Variants in STAB2 observed in about 807,000 individuals in gnomAD.
STAB2 encodes stabilin 2.
STAB2 carries 288 observed loss-of-function variants against 338.1 expected under a neutral mutation model. The ratio of observed to expected loss-of-function variants is 0.85; its 90% CI spans 0.77 to 0.94. The LOEUF (loss-of-function observed/expected upper bound fraction) is 0.94, where lower values mean the gene tolerates loss of function less well. Ranked by LOEUF, STAB2 falls within the 40% of genes least tolerant of loss-of-function variation. The probability of loss-of-function intolerance (pLI) is 0.00; values close to 1 mark genes in which losing one functional copy is unlikely to be tolerated. For synonymous variants in STAB2, 1,202 were observed against 1,193.3 expected, an observed-to-expected ratio of 1.01 and a Z score of -0.15; for missense variants, 3,141 against 3,210.1, an observed-to-expected ratio of 0.98 and a Z score of 0.52.
intron 39 of STAB2, among the ~76,000 whole-genome samples, chr12:103,710,775 G>A (rs1397980566): frequency 6.6e-6 from 1 of 152,174 alleles, no homozygotes. Flanking sequence ...AGGACCTCCT[G>A]TATGACTCAG....
At chr12:103,705,496 G>A in intron 36 of STAB2, 136 bp from the exon 37 acceptor site, 3 of 672,008 alleles carry the variant, frequency 4.5e-6, no homozygotes, top group South Asian at 4.1e-5. Flanking sequence ...AAGAAGCAGT[G>A]CCAACAAGCC....
chr12:103,718,107 C>A (rs1880472945), intron 44 of STAB2, among the ~76,000 whole-genome samples: 1 of 152,160 alleles, frequency 6.6e-6, no homozygotes, highest in Non-Finnish European at 1.5e-5. Context: ...ATCCATATTG[C>A]CAACTCTTAT....
At chr12:103,624,216 T>C (rs1957346554) in intron 5 of STAB2, among the ~76,000 whole-genome samples, 1 of 152,240 alleles carries the variant, frequency 6.6e-6, no homozygotes, top group African/African-American at 2.4e-5. Context: ...AGGCAGGTGC[T>C]GTGGTATCTT....
chr12:103,669,532 GT>G lies in STAB2; in HGVS notation c.2173-4del. On this transcript the variant is annotated splice_polypyrimidine_tract_variant and splice_region_variant and intron_variant, in intron 20 of 68. Transcript: ENST00000388887. ...GGGTTCAAAGGGGAACACGCATTTTGTTTTTCAGATTCCAAAGTGCTGCAAA... is the reference window on the plus strand; with the variant it reads ...GGGTTCAAAGGGGAACACGCATTTTGTTTTCAGATTCCAAAGTGCTGCAAA... The G allele has an allele frequency of 6.2e-7, 1 of 1,613,864 alleles. No individual in the cohort carries two copies. The highest frequency in any genetic ancestry group is 1.1e-5 in the South Asian group (1 of 91,056).
At chr12:103,699,036 G>A in intron 33 of STAB2, 60 bp from the exon 34 acceptor site, 4 of 1,553,824 alleles carry the variant, frequency 2.6e-6, no homozygotes, top group Non-Finnish European at 3.5e-6. Context: ...GCACATGGGA[G>A]AAGCTGGGTA....
chr12:103,689,312 G>A (rs1169902302), intron 28 of STAB2, among the ~76,000 whole-genome samples: 2 of 151,956 alleles, frequency 1.3e-5, no homozygotes, highest in African/African-American at 4.8e-5. Context: ...GTGAAACCCC[G>A]TCTCTGCTAC....
At chr12:103,749,582 T>C (rs59413167) in intron 59 of STAB2, among the ~76,000 whole-genome samples, 42,577 of 150,806 alleles carry the variant, frequency 0.28, 6,149 homozygotes, top group South Asian at 0.37. Context: ...GTAATCCCAG[T>C]ACTTTGGGAG....
At chr12:103,641,788 G>T (rs975144965) in intron 9 of STAB2, among the ~76,000 whole-genome samples, 1 of 152,142 alleles carries the variant, frequency 6.6e-6, no homozygotes, top group South Asian at 2.1e-4. Context: ...TGTGATGTTA[G>T]GGGTACATGT....
chr12:103,705,827 C>A, intron 37 of STAB2, 100 bp downstream of exon 37: 1 of 1,091,820 alleles, frequency 9.2e-7, no homozygotes, highest in Non-Finnish European at 1.4e-6. Context: ...ATGCTTTCTG[C>A]CATCTCCTCT....
At chr12:103,588,297 C>T (rs936033451) in intron 1 of STAB2, among the ~76,000 whole-genome samples, 5 of 152,224 alleles carry the variant, frequency 3.3e-5, no homozygotes, top group African/African-American at 1.2e-4. Context: ...GGCCTAATGG[C>T]TAAGTGCTCC....
At chr12:103,762,437 C>T in intron 67 of STAB2, 35 bp downstream of exon 67, 3 of 1,613,900 alleles carry the variant, frequency 1.9e-6, no homozygotes, top group Non-Finnish European at 2.5e-6. Context: ...ATGATGGGGT[C>T]CTCTCCAAAA....
At chr12:103,688,006 C>T (rs775104172) in intron 27 of STAB2, among the ~76,000 whole-genome samples, 162 bp from the exon 28 acceptor site, 2 of 152,218 alleles carry the variant, frequency 1.3e-5, no homozygotes, top group African/African-American at 2.4e-5. Context: ...AGCTGGAGCA[C>T]GCATTCACAT....
chr12:103,653,539 G>A (rs546816781), intron 12 of STAB2, among the ~76,000 whole-genome samples: 67 of 151,714 alleles, frequency 4.4e-4, no homozygotes, highest in African/African-American at 1.5e-3. Context: ...TGCATGGATG[G>A]ATGGATGGAT....
At position 103,755,735 on chromosome 12, in the gene STAB2, C is replaced by T. The variant is rs1884054885; in HGVS notation, c.6987+17C>T. Reference sequence around the variant, plus strand: ...TTCCTGACGGTATGTACCATGTCTGCTTGGTTTGCCTCAGGCAGGGAGGGG... The same window carrying T: ...TTCCTGACGGTATGTACCATGTCTGTTTGGTTTGCCTCAGGCAGGGAGGGG... On this transcript the variant is annotated intron_variant, in intron 63 of 68. Transcript: ENST00000388887. 6.2e-7 allele frequency: 1 copy of T among 1,613,544 alleles called. No homozygotes were observed. The highest frequency in any genetic ancestry group is 8.5e-7 in the Non-Finnish European group (1 of 1,179,600).
At chr12:103,611,736 T>C (rs1047470141) in intron 3 of STAB2, among the ~76,000 whole-genome samples, 2 of 152,220 alleles carry the variant, frequency 1.3e-5, no homozygotes, top group African/African-American at 4.8e-5. Flanking sequence ...ATTATGATGT[T>C]AGCTGGTTAT....
rs1181479880 is a variant in STAB2, at chr12:103,587,625, TC to T, written c.81+70del. ...TGATATGTTCAAAAGCTTGTCGTTT[TC>T]CTCTGTTGTTATGGGTAAAGGGTGA... On this transcript the variant is annotated intron_variant, in intron 1 of 68. Coordinates refer to ENST00000388887, the MANE Select transcript of STAB2 (RefSeq NM_017564.10). The T allele has an allele frequency of 3.0e-6, 4 of 1,348,490 alleles. No individual in the cohort carries two copies. The African/African-American group carries it at 4.4e-5, about 15-fold the overall frequency. 83.5% of individuals were successfully genotyped at this position (1,348,490 alleles called of 1,614,324 possible). A position where few individuals can be genotyped will look rare whatever the true frequency, so the allele number is the denominator to read the frequency against.
intron 17 of STAB2, among the ~76,000 whole-genome samples, chr12:103,661,080 A>AG (rs1874566743): frequency 6.6e-6 from 1 of 152,126 alleles, no homozygotes; most frequent in African/African-American, 2.4e-5. Context: ...GAGGAAATTC[A>AG]GGGGGCTGTG....
At chr12:103,638,386 C>A (rs1450876831) in intron 8 of STAB2, among the ~76,000 whole-genome samples, 174 bp downstream of exon 8, 4 of 152,186 alleles carry the variant, frequency 2.6e-5, no homozygotes, top group Non-Finnish European at 5.9e-5. Context: ...CCTGCTCACC[C>A]AGTCTATCCT....
intron 25 of STAB2, 34 bp downstream of exon 25, chr12:103,677,645 A>C (rs749635279): frequency 6.3e-7 from 1 of 1,592,840 alleles, no homozygotes; most frequent in South Asian, 1.1e-5. Context: ...AAGAGAAAGC[A>C]GGAATCCTGC....
Sources: gnomAD v4.1 joint callset for allele counts (sites outside exome capture counted in the v4.1 genomes callset) on GRCh38, gnomAD v4.1.1 for gene constraint, MANE v1.5 for transcripts, NCBI Gene and HGNC (gene_info 2026-07-23, HGNC 2026-07-21) for gene names.